The following PTPRU variants were observed in gnomAD, a reference collection of about 807,000 sequenced individuals.
PTPRU encodes receptor-type tyrosine-protein phosphatase U.
A neutral mutation model predicts 166.3 loss-of-function variants in PTPRU; 69 were observed. The observed-to-expected ratio is 0.41, with a 90% confidence interval of 0.34 to 0.51. PTPRU has a LOEUF of 0.51. Ranked by LOEUF, PTPRU falls within the 20% of genes least tolerant of loss-of-function variation. PTPRU has a pLI of 0.09. For missense variants in PTPRU, 1,657 were observed against 2,013.7 expected, an observed-to-expected ratio of 0.82 and a Z score of 3.39; for synonymous variants, 793 against 814.0, an observed-to-expected ratio of 0.97 and a Z score of 0.44.
At chr1:29,302,467 C>G (rs1687182036) in intron 15 of PTPRU, among the ~76,000 whole-genome samples, 1 of 152,216 alleles carries the variant, frequency 6.6e-6, no homozygotes, top group Non-Finnish European at 1.5e-5. Flanking sequence ...TTACCAGTCA[C>G]TCAGTGACTC....
intron 8 of PTPRU, among the ~76,000 whole-genome samples, chr1:29,277,258 G>A (rs551052691): frequency 7.9e-5 from 12 of 152,154 alleles, no homozygotes; most frequent in East Asian, 3.9e-4. Context: ...CCGCCACCAC[G>A]CCTGGCTAAT....
chr1:29,323,415 C>T lies in PTPRU; in HGVS notation c.3873C>T (p.Gly1291=). 6.2e-7 allele frequency: 1 copy of T among 1,609,938 alleles called. No homozygotes were observed. The highest frequency in any genetic ancestry group is 8.5e-7 in the Non-Finnish European group (1 of 1,178,098). ...YWPEPGRQQY[G]LMEVEFMSGT... ...CAGAGCCAGGCCGGCAGCAATATGGCCTCATGGAGGTGGAGTTTATGTCGG... is the reference window on the plus strand; with the variant it reads ...CAGAGCCAGGCCGGCAGCAATATGGTCTCATGGAGGTGGAGTTTATGTCGG... The change falls in exon 27 of 30, where the codon GGC becomes GGT. Residue 1291 remains glycine, a synonymous_variant. Coordinates refer to ENST00000373779, the MANE Select transcript of PTPRU (RefSeq NM_133178.4).
rs565864825 is a variant in PTPRU at position 29,282,589 on chromosome 1, C to T, written c.1869-87C>T. 3.4e-6 allele frequency: 5 copies of T among 1,482,572 alleles called. No individual in the cohort carries two copies. In the Admixed American group the frequency reaches 8.4e-5, roughly 25 times the overall value. 91.8% of individuals were successfully genotyped at this position (1,482,572 alleles called of 1,614,324 possible). A position where few individuals can be genotyped will look rare whatever the true frequency, so the allele number is the denominator to read the frequency against. ...GAAGTTAGTCCCCAGGAGGGCTTGA[C>T]CACAAAGCCCATGCCTTTAACTGCC... On this transcript the variant is annotated intron_variant, in intron 11 of 29. Coordinates refer to ENST00000373779, the MANE Select transcript of PTPRU (RefSeq NM_133178.4).
rs1363780465 is a variant in PTPRU, at chr1:29,257,877, C to T, written c.206-628C>T. Among the ~76,000 whole-genome samples, 1 of 152,098 alleles carries T rather than the reference C, an allele frequency of 6.6e-6. No homozygotes were observed. The highest frequency in any genetic ancestry group is 1.5e-5 in the Non-Finnish European group (1 of 68,032). The stretch of plus-strand genomic sequence containing the variant: ...TGACTCCAGGGATGAATGACCTAGT[C>T]CCTGTCTCCAGGGATAGCTCAGAAC... On this transcript the variant is annotated intron_variant, in intron 2 of 29. Coordinates refer to ENST00000373779, the MANE Select transcript of PTPRU (RefSeq NM_133178.4). This position sits in a 1 kb window ranked among gnomAD's most constrained non-coding sequence, Gnocchi z 4.6.
At chr1:29,255,531 T>C (rs1238545517) in intron 2 of PTPRU, 125 bp downstream of exon 2, 2 of 1,327,618 alleles carry the variant, frequency 1.5e-6, no homozygotes, top group Non-Finnish European at 2.1e-6. Context: ...GCATCTTTAA[T>C]GACATACGTG....
At chr1:29,284,463 T>A (rs568713169) in intron 13 of PTPRU, among the ~76,000 whole-genome samples, 1 of 152,082 alleles carries the variant, frequency 6.6e-6, no homozygotes, top group African/African-American at 2.4e-5. Context: ...CTCTCCCCTA[T>A]CCACTGAGAG....
intron 18 of PTPRU, chr1:29,307,140 C>A: frequency 6.2e-7 from 1 of 1,613,384 alleles, no homozygotes; most frequent in Non-Finnish European, 8.5e-7. Context: ...TTCGGATAAA[C>A]CGAGAAGTAA....
At chr1:29,249,671 C>T (rs1254219059) in intron 1 of PTPRU, among the ~76,000 whole-genome samples, 2 of 152,140 alleles carry the variant, frequency 1.3e-5, no homozygotes, top group African/African-American at 4.8e-5. Flanking sequence ...CCGTTTACAT[C>T]CTGGAAGGGG....
chr1:29,288,842 T>G (rs972977095), intron 14 of PTPRU, among the ~76,000 whole-genome samples: 1 of 152,150 alleles, frequency 6.6e-6, no homozygotes, highest in African/African-American at 2.4e-5. Context: ...CCATGCTCCC[T>G]GACTCAGCTT....
intron 15 of PTPRU, among the ~76,000 whole-genome samples, chr1:29,292,498 GTAGGGCC>G (rs1356335733): frequency 6.6e-6 from 1 of 152,146 alleles, no homozygotes; most frequent in African/African-American, 2.4e-5. Flanking sequence ...GCCTCTGCTA[GTAGGGCC>G]GATGTGAAGA....
intron 1 of PTPRU, among the ~76,000 whole-genome samples, chr1:29,252,923 A>G (rs1478475758): frequency 6.6e-6 from 1 of 152,132 alleles, no homozygotes; most frequent in East Asian, 1.9e-4. Flanking sequence ...GTCAGATCCC[A>G]TGGGTTGAGG....
Position 29,325,588 on chromosome 1 carries a change from C to T in PTPRU, c.4249-11C>T. ...AGGCTCATGATTCCCTCCCTCTCTTCCTCTCCCCAGGATCAGTACCACTTT... is the reference window on the plus strand; with the variant it reads ...AGGCTCATGATTCCCTCCCTCTCTTTCTCTCCCCAGGATCAGTACCACTTT... On this transcript the variant is annotated splice_polypyrimidine_tract_variant and intron_variant, in intron 29 of 29. Transcript: ENST00000373779. 1 of 1,606,734 alleles carries T rather than the reference C, an allele frequency of 6.2e-7. No individual in the cohort carries two copies.
intron 15 of PTPRU, among the ~76,000 whole-genome samples, chr1:29,292,756 C>CTCCCTGGCTATATCCCCTACCTCTT (rs1162081445): frequency 6.6e-6 from 1 of 151,990 alleles, no homozygotes; most frequent in Admixed American, 6.6e-5. Context: ...CTTGGTACAC[C>CTCCCTGGCTATATCCCCTACCTCTT]TCCCTGGCTA....
At position 29,316,102 on chromosome 1, in the gene PTPRU, T is replaced by C. The variant is rs141267043; in HGVS notation, c.3464T>C (p.Ile1155Thr). 1 of 1,614,180 alleles carries C rather than the reference T, an allele frequency of 6.2e-7. No homozygotes were observed. The highest frequency in any genetic ancestry group is 8.5e-7 in the Non-Finnish European group (1 of 1,180,020). ...TTCAAGGCCACCTACAAGGAGATGA[T>C]CCGCATTGATCCTCAGAGTAATTCC... ...SEFKATYKEM[I>T]RIDPQSNSSQ... Residue 1155 changes from isoleucine (I) to threonine (T), a missense_variant, in exon 24 of 30, where the codon ATC becomes ACC. Transcript: ENST00000373779.
chr1:29,310,680 G>A (rs1391548129), intron 18 of PTPRU, 64 bp from the exon 19 acceptor site: 3 of 1,517,082 alleles, frequency 2.0e-6, no homozygotes, highest in African/African-American at 1.4e-5. Flanking sequence ...GGAGGGTAGA[G>A]GAGGTGTGGG....
Position 29,280,092 on chromosome 1 carries a change from A to G in PTPRU, c.1819A>G (p.Thr607Ala). Residue 607 changes from threonine (T) to alanine (A), a missense_variant, in exon 11 of 30, where the codon ACC becomes GCC. By Grantham distance (58) the Thr-to-Ala change is moderately conservative (BLOSUM62 0). Transcript: ENST00000373779. This position sits in a 1 kb window ranked among gnomAD's most constrained non-coding sequence, Gnocchi z 4.2. ...MPSPLGESEN[T>A]ITVLLRPAQG... ...GTCACCCCTGGGCGAGTCTGAGAAC[A>G]CCATCACCGTGCTGCTGAGGCCGGC... The G allele has an allele frequency of 6.2e-7, 1 of 1,613,662 alleles. No homozygotes were observed. Among genetic ancestry groups the G allele is most frequent in the Non-Finnish European group, 8.5e-7 (1 of 1,179,992 alleles).
At chr1:29,307,821 C>T (rs962822625) in intron 18 of PTPRU, among the ~76,000 whole-genome samples, 3 of 142,404 alleles carry the variant, frequency 2.1e-5, no homozygotes, top group African/African-American at 7.6e-5. Context: ...AGCGCAGTGG[C>T]ACGATCTCGG....
chr1:29,265,713 C>T (rs1685270710), intron 7 of PTPRU, among the ~76,000 whole-genome samples: 1 of 152,062 alleles, frequency 6.6e-6, no homozygotes, highest in South Asian at 2.1e-4. Context: ...TTTGGTGCAT[C>T]ATCTGTTCAT....
chr1:29,318,595 C>T (rs1268735923), intron 25 of PTPRU, among the ~76,000 whole-genome samples: 2 of 152,192 alleles, frequency 1.3e-5, no homozygotes, highest in East Asian at 1.9e-4. Context: ...AGGAGACACA[C>T]GGGTGGAGAT....
Sources: allele counts gnomAD v4.1 joint callset (sites outside exome capture counted in the v4.1 genomes callset), GRCh38; gene constraint gnomAD v4.1.1; non-coding constraint Gnocchi (gnomAD v3.1); transcripts MANE v1.5; gene names NCBI Gene and HGNC (gene_info 2026-07-23, HGNC 2026-07-21).